The following DPCD variants were observed in gnomAD, a reference collection of about 807,000 sequenced individuals.
DPCD encodes protein DPCD.
A neutral mutation model predicts 26.4 loss-of-function variants in DPCD; 20 were observed. The ratio of observed to expected loss-of-function variants is 0.76; its 90% CI spans 0.53 to 1.10. The LOEUF (loss-of-function observed/expected upper bound fraction) is 1.10, where lower values mean the gene tolerates loss of function less well. DPCD is among the 50% of genes least tolerant of loss of function. DPCD has a pLI of 0.00. For synonymous variants in DPCD, 97 were observed against 94.2 expected (o/e 1.03, Z -0.17); for missense variants, 202 against 253.9 (o/e 0.80, Z 1.39).
chr10:101,604,098 C>T (rs1278735103), intron 4 of DPCD, among the ~76,000 whole-genome samples: 2 of 152,186 alleles, frequency 1.3e-5, no homozygotes, highest in African/African-American at 4.8e-5. Context: ...GGCCTCTGGC[C>T]AGAAGCCAAA....
intron 1 of DPCD, among the ~76,000 whole-genome samples, chr10:101,593,647 G>A (rs2063629070): frequency 6.6e-6 from 1 of 152,050 alleles, no homozygotes; most frequent in African/African-American, 2.4e-5. Context: ...GGAGTGCAGT[G>A]GCACAATCTC....
chr10:101,598,641 T>TTTTTTTTTG (rs2063671052), intron 2 of DPCD, among the ~76,000 whole-genome samples: 1 of 118,444 alleles, frequency 8.4e-6, no homozygotes, highest in Non-Finnish European at 1.8e-5. Flanking sequence ...TTTTTTTTTT[T>TTTTTTTTTG]GAGACGGAGT....
chr10:101,608,908 G>A lies in DPCD; in HGVS notation c.478G>A (p.Ala160Thr), dbSNP rs1473998839. 2 of 1,613,552 alleles carry A rather than the reference G, an allele frequency of 1.2e-6. No homozygotes were observed. Among genetic ancestry groups the A allele is most frequent in the Non-Finnish European group, 1.7e-6 (2 of 1,179,856 alleles). Residue 160 changes from alanine (A) to threonine (T), a missense_variant, in exon 5 of 6, where the codon GCC becomes ACC. Around this residue, in one of 3 missense-constraint regions of DPCD, gnomAD observed 118 missense variants for 145.1 expected, o/e 0.81. Transcript: ENST00000370151. ...TCTGGATGACGCCTTGCTGAGCTTT[G>A]CCCACGCCAACTGCACCCTGATCAT... ...LPLDDALLSF[A>T]HANCTLIISY...
In DPCD at chr10:101,609,525, C is replaced by A; in HGVS notation, c.*54C>A. 1 of 1,527,306 alleles carries A rather than the reference C, an allele frequency of 6.5e-7. No homozygotes were observed. The highest frequency in any genetic ancestry group is 9.0e-7 in the Non-Finnish European group (1 of 1,112,356). The allele number at this position is 1,527,306 out of a possible 1,614,324, so 94.6% of individuals were successfully genotyped here. A position where few individuals can be genotyped will look rare whatever the true frequency, so the allele number is the denominator to read the frequency against. On this transcript the variant is annotated 3_prime_UTR_variant, in exon 6 of 6. Transcript: ENST00000370151. ...CAGGGGGTGCCGTGAGACTTCAAGG[C>A]TTGGCCCTTCTTGACCACGGCAGCC...
chr10:101,605,033 A>G, intron 4 of DPCD: 3 of 1,481,700 alleles, frequency 2.0e-6, no homozygotes, highest in South Asian at 1.3e-5. Flanking sequence ...AGCCTTTAGT[A>G]TGTGTGTGTG....
At chr10:101,591,548 A>C (rs950308841) in intron 1 of DPCD, among the ~76,000 whole-genome samples, 10 of 152,138 alleles carry the variant, frequency 6.6e-5, no homozygotes, top group African/African-American at 2.4e-4. Context: ...TTCCACCAAG[A>C]ATCATGGCTA....
At chr10:101,588,656 T>C in intron 1 of DPCD, 1 of 1,306,736 alleles carries the variant, frequency 7.7e-7, no homozygotes, top group Non-Finnish European at 9.7e-7. Context: ...TAATTTCTTT[T>C]ACATTCATTA....
At chr10:101,604,186 A>C (rs2063718317) in intron 4 of DPCD, among the ~76,000 whole-genome samples, 1 of 152,208 alleles carries the variant, frequency 6.6e-6, no homozygotes, top group South Asian at 2.1e-4. Context: ...TCTGATCATC[A>C]TTCTGTCAGG....
At chr10:101,608,800 C>A in intron 4 of DPCD, 35 bp from the exon 5 acceptor site, 1 of 1,507,936 alleles carries the variant, frequency 6.6e-7, no homozygotes, top group Non-Finnish European at 9.2e-7. Flanking sequence ...GGTCACCTTG[C>A]CGAGTGCCCC....
chr10:101,596,035 TGCTGCG>T (rs1261807514), intron 2 of DPCD, among the ~76,000 whole-genome samples: 1 of 152,212 alleles, frequency 6.6e-6, no homozygotes, highest in Admixed American at 6.5e-5. Flanking sequence ...CAGCTATAGC[TGCTGCG>T]GCTGTAAAAA....
In DPCD at chr10:101,589,727, C is replaced by CA. The variant is rs927787203; in HGVS notation, c.64+1334dup. On this transcript the variant is annotated intron_variant, in intron 1 of 5. Coordinates refer to ENST00000370151, the MANE Select transcript of DPCD (RefSeq NM_015448.3). ...AACCACCCCATCGCTACTAAAAATA[C>CA]AAAAAAATTAGCCAGGTGTGGTGGT... Among the ~76,000 whole-genome samples, 9 of 152,014 alleles carry CA rather than the reference C, an allele frequency of 5.9e-5. No homozygotes were observed. The East Asian group carries it at 1.2e-3, about 20-fold the overall frequency.
At chr10:101,598,838 G>A (rs2063672684) in intron 2 of DPCD, among the ~76,000 whole-genome samples, 1 of 152,018 alleles carries the variant, frequency 6.6e-6, no homozygotes, top group Admixed American at 6.6e-5. Context: ...TGGCCAGGCT[G>A]GTCTCGAACT....
intron 1 of DPCD, among the ~76,000 whole-genome samples, chr10:101,593,010 CA>C (rs941618084): frequency 3.4e-4 from 29 of 84,418 alleles, no homozygotes; most frequent in South Asian, 9.4e-4. Flanking sequence ...GAGACTCTGT[CA>C]AAAAAAAAAA....
intron 4 of DPCD, among the ~76,000 whole-genome samples, chr10:101,606,651 A>G (rs1325170105): frequency 6.6e-6 from 1 of 152,124 alleles, no homozygotes; most frequent in African/African-American, 2.4e-5. Context: ...CTCACAGCTC[A>G]AGGTCTGGGA....
At chr10:101,605,010 T>C in intron 4 of DPCD, 1 of 1,343,732 alleles carries the variant, frequency 7.4e-7, no homozygotes, top group Non-Finnish European at 1.0e-6. Context: ...GGCTTCTCTT[T>C]GGTGGGGCCG....
intron 1 of DPCD, among the ~76,000 whole-genome samples, chr10:101,589,709 C>A (rs914733671): frequency 6.6e-6 from 1 of 151,996 alleles, no homozygotes; most frequent in Non-Finnish European, 1.5e-5. Context: ...TGAAACCACC[C>A]CATCGCTACT....
intron 5 of DPCD, chr10:101,609,144 G>A: frequency 9.3e-6 from 6 of 643,112 alleles, no homozygotes; most frequent in South Asian, 1.9e-5. Context: ...GCTAGAAGAG[G>A]GTAGAGGGTG....
intron 1 of DPCD, among the ~76,000 whole-genome samples, chr10:101,591,848 A>G (rs1564890377): frequency 3.3e-5 from 5 of 149,696 alleles, no homozygotes; most frequent in Non-Finnish European, 7.4e-5. Context: ...AGCCCGGCTA[A>G]TTTTTTTTTT....
At chr10:101,606,837 G>T (rs1428837836) in intron 4 of DPCD, among the ~76,000 whole-genome samples, 2 of 152,070 alleles carry the variant, frequency 1.3e-5, no homozygotes, top group Non-Finnish European at 2.9e-5. Flanking sequence ...TGAGAAGGGG[G>T]TGGGCTTCCC....
Sources: gnomAD v4.1 joint callset for allele counts (sites outside exome capture counted in the v4.1 genomes callset) on GRCh38, gnomAD v4.1.1 for gene constraint, gnomAD v4.1.1 regional missense constraint, MANE v1.5 for transcripts, NCBI Gene and HGNC (gene_info 2026-07-23, HGNC 2026-07-21) for gene names.